Variants in IL15RA observed in about 807,000 individuals in gnomAD.
IL15RA encodes interleukin-15 receptor subunit alpha.
IL15RA carries 26 observed loss-of-function variants against 24.2 expected under a neutral mutation model. The ratio of observed to expected loss-of-function variants is 1.07; its 90% CI spans 0.79 to 1.49. The LOEUF is 1.49. IL15RA is among the 40% of genes most tolerant of loss of function. IL15RA has a pLI of 0.00. For synonymous variants in IL15RA, 166 were observed against 157.6 expected, an observed-to-expected ratio of 1.05 and a Z score of -0.40; for missense variants, 354 against 356.4, an observed-to-expected ratio of 0.99 and a Z score of 0.05.
chr10:5,977,183 C>T (rs1376744047), intron 1 of IL15RA: 6 of 347,792 alleles, frequency 1.7e-5, no homozygotes, highest in Admixed American at 4.8e-5. Flanking sequence ...GTGGGTGACC[C>T]GGGCGCAGCG....
rs564989730 is a variant in IL15RA, at chr10:5,975,357, C to T, written c.88+2048G>A. On this transcript the variant is annotated intron_variant, in intron 1 of 6. Coordinates refer to ENST00000379977, the MANE Select transcript of IL15RA (RefSeq NM_002189.4). The surrounding 1 kb of genome is among the most constrained non-coding windows in gnomAD (Gnocchi z 4.8). ...AAGAAAGAGTTCCTACCGTGTAATT[C>T]TATTTATAAAAAATTTTAGAAAGTG... is the stretch of plus-strand genomic sequence containing the variant. 5.3e-4 allele frequency among the ~76,000 whole-genome samples: 80 copies of T among 152,150 alleles called. No homozygotes were observed. The highest frequency in any genetic ancestry group is 7.2e-4 in the Admixed American group (11 of 15,260).
rs1052898482 is a variant in IL15RA, at chr10:5,958,772, G to A, written c.616+982C>T. On this transcript the variant is annotated intron_variant, in intron 5 of 6. Transcript: ENST00000379977. The surrounding 1 kb of genome is among the most constrained non-coding windows in gnomAD (Gnocchi z 4.3). ...TTTTCCCAGATGACGTTTGATGCAG[G>A]TAAAAATGACACCACAAAAATATGA... 1.3e-5 allele frequency among the ~76,000 whole-genome samples: 2 copies of A among 152,120 alleles called. No homozygotes were observed. Among genetic ancestry groups the A allele is most frequent in the African/African-American group, 4.8e-5 (2 of 41,414 alleles).
Position 5,977,510 on chromosome 10 carries a change from A to G in IL15RA, c.-18T>C, listed in dbSNP as rs1473461417. On this transcript the variant is annotated 5_prime_UTR_variant, in exon 1 of 7. Transcript: ENST00000379977. ...GGGGCCATGGCGGCAGCTCCACAGGACACCGCTGGACTCCCCGGGCGAGCG... is the reference window on the plus strand; with the variant it reads ...GGGGCCATGGCGGCAGCTCCACAGGGCACCGCTGGACTCCCCGGGCGAGCG... The G allele has an allele frequency of 1.5e-6, 2 of 1,326,822 alleles. No homozygotes were observed. Among genetic ancestry groups the G allele is most frequent in the African/African-American group, 1.5e-5 (1 of 65,260 alleles). 82.2% of individuals were successfully genotyped at this position (1,326,822 alleles called of 1,614,324 possible). A position where few individuals can be genotyped will look rare whatever the true frequency, so the allele number is the denominator to read the frequency against.
At chr10:5,972,678 A>G (rs1178144248) in intron 1 of IL15RA, among the ~76,000 whole-genome samples, 1 of 152,230 alleles carries the variant, frequency 6.6e-6, no homozygotes, top group Non-Finnish European at 1.5e-5. Context: ...CATCTTCCCC[A>G]TTCAATGACA....
chr10:5,977,426 G>A lies in IL15RA; in HGVS notation c.67C>T (p.Leu23Phe). The A allele has an allele frequency of 7.5e-7, 1 of 1,340,720 alleles. No homozygotes were observed. Among genetic ancestry groups the A allele is most frequent in the Non-Finnish European group, 9.6e-7 (1 of 1,045,576 alleles). 83.1% of individuals were successfully genotyped at this position (1,340,720 alleles called of 1,614,324 possible). A position where few individuals can be genotyped will look rare whatever the true frequency, so the allele number is the denominator to read the frequency against. Residue 23 changes from leucine to phenylalanine, a missense_variant, in exon 1 of 7, where the codon CTC becomes TTC. Leu to Phe is a conservative substitution (Grantham distance 22). Coordinates refer to ENST00000379977, the MANE Select transcript of IL15RA (RefSeq NM_002189.4). Reference sequence around the variant, plus strand: ...CTACCCCGCGTCGCCGGCGGCCGGAGCAGCAGCAGCAGTAGCAGCGCCGGG... The same window carrying A: ...CTACCCCGCGTCGCCGGCGGCCGGAACAGCAGCAGCAGTAGCAGCGCCGGG... ...GLPALLLLLL[L>F]RPPATRGITC...
downstream of IL15RA, among the ~76,000 whole-genome samples, chr10:5,952,119 G>A: frequency 6.6e-6 from 1 of 152,208 alleles, no homozygotes; most frequent in East Asian, 1.9e-4. Context: ...GAAAGTAAGA[G>A]AAGAAGAAGG....
Position 5,977,507 on chromosome 10 carries a change from A to G in IL15RA, c.-15T>C. On this transcript the variant is annotated 5_prime_UTR_variant, in exon 1 of 7. Coordinates refer to ENST00000379977, the MANE Select transcript of IL15RA (RefSeq NM_002189.4). ...CGCGGGGCCATGGCGGCAGCTCCAC[A>G]GGACACCGCTGGACTCCCCGGGCGA... 1 of 1,343,324 alleles carries G rather than the reference A, an allele frequency of 7.4e-7. No individual in the cohort carries two copies. The highest frequency in any genetic ancestry group is 9.5e-7 in the Non-Finnish European group (1 of 1,048,408). 83.2% of individuals were successfully genotyped at this position (1,343,324 alleles called of 1,614,324 possible). A position where few individuals can be genotyped will look rare whatever the true frequency, so the allele number is the denominator to read the frequency against.
intron 5 of IL15RA, among the ~76,000 whole-genome samples, chr10:5,956,733 C>T (rs2296140): frequency 0.16 from 23,630 of 152,042 alleles, 2,199 homozygotes; most frequent in African/African-American, 0.25. Context: ...GGGGCAGGGA[C>T]GGAGCAAGTC....
Position 5,961,870 on chromosome 10 carries a change from A to G in IL15RA, c.383-1303T>C, listed in dbSNP as rs1835619027. Reference sequence around the variant, plus strand: ...TCTCCCAGCCACACAGGTCATGAGAAGGCCTCACGCCCCTTAATCCTGTGT... The same window carrying G: ...TCTCCCAGCCACACAGGTCATGAGAGGGCCTCACGCCCCTTAATCCTGTGT... On this transcript the variant is annotated intron_variant, in intron 3 of 6. Transcript: ENST00000379977. The surrounding 1 kb of genome is among the most constrained non-coding windows in gnomAD (Gnocchi z 5.2). Among the ~76,000 whole-genome samples, 1 of 152,204 alleles carries G rather than the reference A, an allele frequency of 6.6e-6. No individual in the cohort carries two copies. The highest frequency in any genetic ancestry group is 1.5e-5 in the Non-Finnish European group (1 of 68,040).
In IL15RA at chr10:5,975,510, A is replaced by T. The variant is rs1328171662; in HGVS notation, c.88+1895T>A. Reference sequence around the variant, plus strand: ...TGGTTTCATGAGTATGTATGCATTTACCTCCAAACTTATCAAAGTGTGCAA... The same window carrying T: ...TGGTTTCATGAGTATGTATGCATTTTCCTCCAAACTTATCAAAGTGTGCAA... On this transcript the variant is annotated intron_variant, in intron 1 of 6. Coordinates refer to ENST00000379977, the MANE Select transcript of IL15RA (RefSeq NM_002189.4). This position sits in a 1 kb window ranked among gnomAD's most constrained non-coding sequence, Gnocchi z 4.8. Among the ~76,000 whole-genome samples the T allele has an allele frequency of 6.6e-6, 1 of 151,870 alleles. No individual in the cohort carries two copies. Among genetic ancestry groups the T allele is most frequent in the Non-Finnish European group, 1.5e-5 (1 of 67,968 alleles).
chr10:5,959,673 G>C lies in IL15RA; in HGVS notation c.616+81C>G. On this transcript the variant is annotated intron_variant, in intron 5 of 6. Transcript: ENST00000379977. This position sits in a 1 kb window ranked among gnomAD's most constrained non-coding sequence, Gnocchi z 4.1. ...GCTGTCAGGGCTGTGCTGGGGCAGCGGGCCTGGGCCAGGACCACCCAGCAC... is the reference window on the plus strand; with the variant it reads ...GCTGTCAGGGCTGTGCTGGGGCAGCCGGCCTGGGCCAGGACCACCCAGCAC... 2 of 1,256,842 alleles carry C rather than the reference G, an allele frequency of 1.6e-6. No homozygotes were observed. Among genetic ancestry groups the C allele is most frequent in the South Asian group, 1.2e-5 (1 of 83,470 alleles). The allele number at this position is 1,256,842 out of a possible 1,614,324, so 77.9% of individuals were successfully genotyped here.
rs1348780661 is a variant in IL15RA, at chr10:5,967,614, A to C, written c.89-1275T>G. ...CTGGTTGGTCATTCATACATTTTGGAATGCTTTCCATTCCCAGGATATAGT... is the reference window on the plus strand; with the variant it reads ...CTGGTTGGTCATTCATACATTTTGGCATGCTTTCCATTCCCAGGATATAGT... On this transcript the variant is annotated intron_variant, in intron 1 of 6. Transcript: ENST00000379977. This position sits in a 1 kb window ranked among gnomAD's most constrained non-coding sequence, Gnocchi z 4.4. 6.6e-6 allele frequency among the ~76,000 whole-genome samples: 1 copy of C among 152,178 alleles called. No individual in the cohort carries two copies. The highest frequency in any genetic ancestry group is 1.5e-5 in the Non-Finnish European group (1 of 68,026).
downstream of IL15RA, chr10:5,949,063 C>T (rs1833692176): frequency 2.8e-6 from 1 of 356,168 alleles, no homozygotes; most frequent in Non-Finnish European, 5.7e-6. The surrounding 1 kb of genome is among the most constrained non-coding windows in gnomAD (Gnocchi z 4.4). Flanking sequence ...GGAGAGGATT[C>T]ACTGGGCTTA....
At chr10:5,956,934 A>C (rs1248425326) in intron 5 of IL15RA, among the ~76,000 whole-genome samples, 3 of 148,430 alleles carry the variant, frequency 2.0e-5, no homozygotes, top group Non-Finnish European at 4.5e-5. Flanking sequence ...TTTCCTTCCA[A>C]TTTCATTTTT....
intron 5 of IL15RA, among the ~76,000 whole-genome samples, chr10:5,957,461 A>C (rs1353060958): frequency 6.6e-6 from 1 of 150,910 alleles, no homozygotes; most frequent in Non-Finnish European, 1.5e-5. Flanking sequence ...TTTTTAGTAG[A>C]GACAGGGTTT....
At chr10:5,957,270 C>CTTT (rs1336412675) in intron 5 of IL15RA, among the ~76,000 whole-genome samples, 5 of 151,332 alleles carry the variant, frequency 3.3e-5, no homozygotes, top group Admixed American at 3.3e-4. Context: ...CTACCTACAA[C>CTTT]TTTTTCTTTC....
chr10:5,960,642 T>C lies in IL15RA; in HGVS notation c.383-75A>G. 7.7e-7 allele frequency: 1 copy of C among 1,301,064 alleles called. No homozygotes were observed. Among genetic ancestry groups the C allele is most frequent in the African/African-American group, 1.5e-5 (1 of 68,740 alleles). The allele number at this position is 1,301,064 out of a possible 1,614,324, so 80.6% of individuals were successfully genotyped here. ...CTCTCAGCTGCAGCACGGGGTGATG[T>C]GGGAGCTGCCATAGTGAGTCACCCT... is the stretch of plus-strand genomic sequence containing the variant. On this transcript the variant is annotated intron_variant, in intron 3 of 6. Transcript: ENST00000379977. This position sits in a 1 kb window ranked among gnomAD's most constrained non-coding sequence, Gnocchi z 5.1.
At chr10:5,949,891 T>A (rs538012889), downstream of IL15RA, among the ~76,000 whole-genome samples, 2 of 151,230 alleles carry the variant, frequency 1.3e-5, no homozygotes, top group South Asian at 4.2e-4. This position sits in a 1 kb window ranked among gnomAD's most constrained non-coding sequence, Gnocchi z 4.4. Context: ...AGGTCAGGAG[T>A]TCGAGACCAG....
At position 5,954,172 on chromosome 10, in the gene IL15RA, T is replaced by C. The variant is rs973642410; in HGVS notation, c.693-966A>G. ...TCATCAAATTTACCAATTCTTCTTT[T>C]TTTTTTTTTTTTTTTCTGAGACAGG... On this transcript the variant is annotated intron_variant, in intron 6 of 6. Coordinates refer to ENST00000379977, the MANE Select transcript of IL15RA (RefSeq NM_002189.4). Among the ~76,000 whole-genome samples, 741 of 102,468 alleles carry C rather than the reference T, an allele frequency of 7.2e-3. 8 individuals carry two copies. The highest frequency in any genetic ancestry group is 0.034 in the African/African-American group (671 of 19,516). 67.2% of individuals were successfully genotyped at this position (102,468 alleles called of 152,430 possible).
Sources: gnomAD v4.1 joint callset for allele counts (sites outside exome capture counted in the v4.1 genomes callset) on GRCh38, gnomAD v4.1.1 for gene constraint, Gnocchi (gnomAD v3.1) non-coding constraint, MANE v1.5 for transcripts, NCBI Gene and HGNC (gene_info 2026-07-23, HGNC 2026-07-21) for gene names.